Variants in MTR observed in about 807,000 individuals in gnomAD.
The protein encoded by MTR is methionine synthase.
A neutral mutation model predicts 154.8 loss-of-function variants in MTR; 84 were observed. The observed-to-expected ratio is 0.54, with a 90% CI of 0.45 to 0.65. The LOEUF (loss-of-function observed/expected upper bound fraction) is 0.65, where lower values mean the gene tolerates loss of function less well. MTR is among the 30% of genes least tolerant of loss of function. The pLI, the probability that MTR is intolerant of heterozygous loss-of-function variation, is 0.00. For missense variants in MTR, 1,275 were observed against 1,570.2 expected (o/e 0.81, Z 3.18); for synonymous variants, 554 against 553.9 (o/e 1.00, Z 0.00).
chr1:236,882,300 C>G (rs1665780141), intron 25 of MTR, among the ~76,000 whole-genome samples: 1 of 152,060 alleles, frequency 6.6e-6, no homozygotes, highest in Admixed American at 6.6e-5. Context: ...ACTTTTGGAT[C>G]CATTTAGTTG....
chr1:236,807,399 C>T (rs1661046069), intron 3 of MTR, among the ~76,000 whole-genome samples: 1 of 152,180 alleles, frequency 6.6e-6, no homozygotes, highest in Middle Eastern at 3.2e-3. Flanking sequence ...GTCTCCAATT[C>T]CTGAGCTTAG....
At chr1:236,886,140 A>G in intron 26 of MTR, 152 bp from the exon 27 acceptor site, 1 of 689,644 alleles carries the variant, frequency 1.5e-6, no homozygotes, top group Non-Finnish European at 2.5e-6. Flanking sequence ...CCGACTGGGT[A>G]GAAAAGGAAG....
chr1:236,851,145 C>T (rs932635405), intron 16 of MTR, among the ~76,000 whole-genome samples: 1 of 152,198 alleles, frequency 6.6e-6, no homozygotes, highest in Non-Finnish European at 1.5e-5. Flanking sequence ...CAATACTCAA[C>T]GTCACTTCTG....
chr1:236,875,084 C>G (rs1181794621), intron 24 of MTR, among the ~76,000 whole-genome samples: 1 of 152,188 alleles, frequency 6.6e-6, no homozygotes, highest in African/African-American at 2.4e-5. Context: ...ATTTCTTTGG[C>G]TTGCAATAAT....
chr1:236,819,526 A>G (rs1423232930), intron 8 of MTR: 4 of 335,050 alleles, frequency 1.2e-5, no homozygotes, highest in Non-Finnish European at 2.3e-5. Flanking sequence ...GGTTGCTTCG[A>G]AGTTGTAGCA....
Position 236,869,047 on chromosome 1 carries a change from A to T in MTR, c.2406-4726A>T, listed in dbSNP as rs559266788. On this transcript the variant is annotated intron_variant, in intron 22 of 32. Coordinates refer to ENST00000366577, the MANE Select transcript of MTR (RefSeq NM_000254.3). ...TGGACTGCAGACTGGATGGAAACAC[A>T]TGCCATCTTGTGGTGGCATGTGTGA... 5.3e-5 allele frequency among the ~76,000 whole-genome samples: 8 copies of T among 152,368 alleles called. No homozygotes were observed. In the South Asian group the frequency reaches 1.7e-3, roughly 32 times the overall value.
intron 18 of MTR, among the ~76,000 whole-genome samples, chr1:236,855,415 A>G (rs1664146419): frequency 6.6e-6 from 1 of 152,184 alleles, no homozygotes; most frequent in African/African-American, 2.4e-5. Flanking sequence ...ATACCATGTA[A>G]TTTACATGGA....
intron 16 of MTR, among the ~76,000 whole-genome samples, chr1:236,851,172 C>A (rs1157795250): frequency 6.6e-6 from 1 of 152,140 alleles, no homozygotes; most frequent in Non-Finnish European, 1.5e-5. Flanking sequence ...TTCAGACTTA[C>A]CCATATGCAG....
At chr1:236,852,887 T>C (rs1046512066) in intron 17 of MTR, 61 bp from the exon 18 acceptor site, 1 of 1,593,596 alleles carries the variant, frequency 6.3e-7, no homozygotes, top group Admixed American at 1.7e-5. Context: ...AGAGAAAAGT[T>C]TGCTGATCGC....
intron 29 of MTR, among the ~76,000 whole-genome samples, chr1:236,894,107 G>A (rs1666484619): frequency 6.6e-6 from 1 of 151,914 alleles, no homozygotes; most frequent in Non-Finnish European, 1.5e-5. Flanking sequence ...GACAATTTAT[G>A]TTACGTCATG....
rs1221976973 is a variant in MTR, at chr1:236,861,271, A to G, written c.2190A>G (p.Leu730=). The change falls in exon 20 of 33, where the codon CTA becomes CTG. Residue 730 remains leucine, a synonymous_variant. Coordinates refer to ENST00000366577, the MANE Select transcript of MTR (RefSeq NM_000254.3). ...GDLFGAGKMF[L]PQVIKSARVM... is the part of the protein sequence containing the mutation. ...TTTTTGGAGCTGGAAAAATGTTTCTACCTCAGGTTAGCAAAATATGGGGAG... is the reference window on the plus strand; with the variant it reads ...TTTTTGGAGCTGGAAAAATGTTTCTGCCTCAGGTTAGCAAAATATGGGGAG... 8 of 1,613,546 alleles carry G rather than the reference A, an allele frequency of 5.0e-6. No individual in the cohort carries two copies. The East Asian group carries it at 6.7e-5, about 13-fold the overall frequency.
chr1:236,795,314 G>A lies in MTR; in HGVS notation c.-390G>A. 1.1e-5 allele frequency: 14 copies of A among 1,256,938 alleles called. No individual in the cohort carries two copies. Among genetic ancestry groups the A allele is most frequent in the South Asian group, 4.1e-5 (3 of 72,296 alleles). The allele number at this position is 1,256,938 out of a possible 1,614,324, so 77.9% of individuals were successfully genotyped here. The stretch of plus-strand genomic sequence containing the variant: ...CGCAGAACTAACCGCGCTCTGAAAG[G>A]TTCTAAATGTCTGCGGGGCTCAGAG... On this transcript the variant is annotated 5_prime_UTR_variant, in exon 1 of 33. Transcript: ENST00000366577.
chr1:236,885,756 T>C (rs1051378335), intron 26 of MTR, among the ~76,000 whole-genome samples: 4 of 152,204 alleles, frequency 2.6e-5, no homozygotes, highest in Non-Finnish European at 5.9e-5. Flanking sequence ...AAATATTTCT[T>C]TCCGGTTATC....
Position 236,874,705 on chromosome 1 carries a change from TTTTA to T in MTR, c.2474-20_2474-17del, listed in dbSNP as rs1483259319. 7.2e-6 allele frequency: 11 copies of T among 1,536,740 alleles called. No individual in the cohort carries two copies. Among genetic ancestry groups the T allele is most frequent in the Admixed American group, 1.9e-5 (1 of 52,390 alleles). On this transcript the variant is annotated splice_polypyrimidine_tract_variant and intron_variant, in intron 23 of 32. Coordinates refer to ENST00000366577, the MANE Select transcript of MTR (RefSeq NM_000254.3). The stretch of plus-strand genomic sequence containing the variant: ...CTCACTGTCCTTTTTGTCCTTTTTT[TTTTA>T]AAAAAAAAAAAAATAGATATAATTG...
At chr1:236,876,169 C>G (rs551301777) in intron 24 of MTR, among the ~76,000 whole-genome samples, 36 of 152,328 alleles carry the variant, frequency 2.4e-4, no homozygotes, top group African/African-American at 8.4e-4. Context: ...ATACCATGGC[C>G]TAGCCAAGTT....
intron 1 of MTR, among the ~76,000 whole-genome samples, chr1:236,797,338 C>G (rs1660451530): frequency 6.6e-6 from 1 of 152,166 alleles, no homozygotes; most frequent in African/African-American, 2.4e-5. Context: ...GGCCTTAAAA[C>G]TAAATGTGAC....
In MTR at chr1:236,898,423, A is replaced by G. The variant is rs1460490861; in HGVS notation, c.*779A>G. On this transcript the variant is annotated 3_prime_UTR_variant, in exon 33 of 33. Coordinates refer to ENST00000366577, the MANE Select transcript of MTR (RefSeq NM_000254.3). ...GTTTTGGTTTTTTTTTTTTTGAGAC[A>G]GAGTCTGGCTCTGTCGCCCAGGCTG... 6.7e-6 allele frequency: 1 copy of G among 149,460 alleles called. No individual in the cohort carries two copies. Among genetic ancestry groups the G allele is most frequent in the Non-Finnish European group, 1.5e-5 (1 of 67,602 alleles). The allele number at this position is 149,460 out of a possible 1,614,324, so 9.3% of individuals were successfully genotyped here.
chr1:236,849,706 G>T (rs78058152), intron 15 of MTR, among the ~76,000 whole-genome samples: 1,544 of 152,300 alleles, frequency 0.01, 14 homozygotes, highest in Non-Finnish European at 0.016. Context: ...TGGGGGATGA[G>T]CCTTGCCGGA....
intron 25 of MTR, among the ~76,000 whole-genome samples, chr1:236,881,191 T>C (rs1665713445): frequency 6.6e-6 from 1 of 152,160 alleles, no homozygotes; most frequent in South Asian, 2.1e-4. Flanking sequence ...AATGACCTTT[T>C]TCCAGATAGA....
Sources: allele counts gnomAD v4.1 joint callset (sites outside exome capture counted in the v4.1 genomes callset), GRCh38; gene constraint gnomAD v4.1.1; transcripts MANE v1.5; gene names NCBI Gene and HGNC (gene_info 2026-07-23, HGNC 2026-07-21).